SLC38A12: variants seen among roughly 807,000 people sequenced by gnomAD.
SLC38A12 encodes the protein putative sodium-coupled neutral amino acid transporter 12.
the SLC38A12 span, among the ~76,000 whole-genome samples, chr17:74,813,539 G>T: frequency 6.6e-6 from 1 of 151,812 alleles, no homozygotes; most frequent in African/African-American, 2.4e-5. Flanking sequence ...ACCCAGGCTG[G>T]AATGCAATGG....
the SLC38A12 span, among the ~76,000 whole-genome samples, chr17:74,817,496 G>A: frequency 2.6e-5 from 4 of 152,054 alleles, no homozygotes; most frequent in Non-Finnish European, 4.4e-5. Flanking sequence ...CCCTCGTTTC[G>A]ACTCCTCTAG....
At chr17:74,778,882 G>A in the SLC38A12 span, among the ~76,000 whole-genome samples, 1 of 151,996 alleles carries the variant, frequency 6.6e-6, no homozygotes, top group Non-Finnish European at 1.5e-5. Context: ...TGGTCATGCT[G>A]GTCTTGAACT....
At chr17:74,816,934 T>C in the SLC38A12 span, among the ~76,000 whole-genome samples, 21 of 152,322 alleles carry the variant, frequency 1.4e-4, no homozygotes, top group South Asian at 3.7e-3. Flanking sequence ...AAACACAAAG[T>C]GCCACGCTTG....
chr17:74,835,799 G>A, the SLC38A12 span: 1 of 1,484,220 alleles, frequency 6.7e-7, no homozygotes, highest in East Asian at 2.3e-5. Context: ...GAACAGGGCT[G>A]CATGAACATG....
At chr17:74,777,351 G>A in the SLC38A12 span, 1 of 1,614,198 alleles carries the variant, frequency 6.2e-7, no homozygotes, top group Non-Finnish European at 8.5e-7. Context: ...AAATTACAGA[G>A]ACCGGGGAAC....
At chr17:74,825,614 G>C in the SLC38A12 span, among the ~76,000 whole-genome samples, 2 of 152,198 alleles carry the variant, frequency 1.3e-5, no homozygotes, top group South Asian at 4.1e-4. Context: ...TTTGTTATCA[G>C]CTCTGATCTG....
At chr17:74,813,915 T>A in the SLC38A12 span, among the ~76,000 whole-genome samples, 2 of 152,184 alleles carry the variant, frequency 1.3e-5, no homozygotes, top group South Asian at 4.1e-4. Context: ...TTAGTTCCAG[T>A]TGGAAGCTGC....
the SLC38A12 span, among the ~76,000 whole-genome samples, chr17:74,796,606 C>T: frequency 1.3e-5 from 2 of 152,250 alleles, no homozygotes; most frequent in East Asian, 3.9e-4. Flanking sequence ...AGCCCTGTGG[C>T]CTGGGCCATG....
chr17:74,802,606 G>A, the SLC38A12 span, among the ~76,000 whole-genome samples: 7 of 152,276 alleles, frequency 4.6e-5, no homozygotes, highest in South Asian at 1.0e-3. Flanking sequence ...GACCAGAAGC[G>A]TTTCTGATTT....
chr17:74,808,273 C>CA, the SLC38A12 span, among the ~76,000 whole-genome samples: 1 of 152,228 alleles, frequency 6.6e-6, no homozygotes, highest in Non-Finnish European at 1.5e-5. Flanking sequence ...AGGATGTAAG[C>CA]AAAGGAGACA....
At chr17:74,796,365 T>C in the SLC38A12 span, among the ~76,000 whole-genome samples, 1 of 152,222 alleles carries the variant, frequency 6.6e-6, no homozygotes, top group Non-Finnish European at 1.5e-5. Flanking sequence ...TTAGGTGTGC[T>C]AGGTGACACA....
At chr17:74,818,242 C>T in the SLC38A12 span, among the ~76,000 whole-genome samples, 1 of 152,194 alleles carries the variant, frequency 6.6e-6, no homozygotes, top group Non-Finnish European at 1.5e-5. Flanking sequence ...CTGCCTTCCC[C>T]TGCCCAGCCC....
the SLC38A12 span, among the ~76,000 whole-genome samples, chr17:74,781,446 G>A: frequency 6.6e-6 from 1 of 151,924 alleles, no homozygotes; most frequent in Admixed American, 6.6e-5. Context: ...CACCGTCCCC[G>A]GCTAATATTT....
the SLC38A12 span, among the ~76,000 whole-genome samples, chr17:74,789,684 A>G: frequency 6.6e-6 from 1 of 151,858 alleles, no homozygotes; most frequent in Admixed American, 6.6e-5. Context: ...CATCTCTACT[A>G]AAAATACAAA....
At chr17:74,799,505 G>T in the SLC38A12 span, among the ~76,000 whole-genome samples, 1 of 152,208 alleles carries the variant, frequency 6.6e-6, no homozygotes, top group Non-Finnish European at 1.5e-5. Context: ...GCCTGCAAGT[G>T]CCTGGCCAGT....
At chr17:74,836,224 C>T in the SLC38A12 span, 12 of 1,611,440 alleles carry the variant, frequency 7.4e-6, no homozygotes, top group Non-Finnish European at 8.5e-6. This position sits in a 1 kb window ranked among gnomAD's most constrained non-coding sequence, Gnocchi z 4.2. Context: ...CTCAACTTCG[C>T]GCGCTGTGAC....
chr17:74,804,874 A>T, the SLC38A12 span, among the ~76,000 whole-genome samples: 2 of 152,216 alleles, frequency 1.3e-5, no homozygotes, highest in Non-Finnish European at 2.9e-5. Flanking sequence ...TTCACCTGAG[A>T]GGCAGGTGAA....
the SLC38A12 span, chr17:74,836,755 C>G: frequency 2.6e-6 from 4 of 1,510,968 alleles, no homozygotes; most frequent in East Asian, 6.8e-5. The surrounding 1 kb of genome is among the most constrained non-coding windows in gnomAD (Gnocchi z 4.2). Context: ...CCCGCAGAGC[C>G]CAGATTTAGT....
chr17:74,837,434 C>A, the SLC38A12 span: 1 of 985,558 alleles, frequency 1.0e-6, no homozygotes, highest in Non-Finnish European at 1.2e-6. Flanking sequence ...CTGAAAGGGA[C>A]CGTCTGCTGC....
Sources: gnomAD v4.1 joint callset for allele counts (sites outside exome capture counted in the v4.1 genomes callset) on GRCh38, gnomAD v4.1.1 for gene constraint, Gnocchi (gnomAD v3.1) non-coding constraint, MANE v1.5 for transcripts, NCBI Gene and HGNC (gene_info 2026-07-23, HGNC 2026-07-21) for gene names.